B4GALNT3: variants seen among roughly 807,000 people sequenced by gnomAD.
B4GALNT3 encodes beta-1,4-N-acetylgalactosaminyltransferase 3.
A neutral mutation model predicts 120.2 loss-of-function variants in B4GALNT3; 86 were observed. That is an observed-to-expected ratio of 0.72 (90% CI 0.60 to 0.86). B4GALNT3 has a LOEUF of 0.86. B4GALNT3 is among the 40% of genes least tolerant of loss of function. The pLI, the probability that B4GALNT3 is intolerant of heterozygous loss-of-function variation, is 0.00. For missense variants in B4GALNT3, 1,167 were observed against 1,298.9 expected (o/e 0.90, Z 1.56); for synonymous variants, 518 against 510.4 (o/e 1.01, Z -0.20).
At chr12:467,419 T>C (rs1946092557) in intron 1 of B4GALNT3, among the ~76,000 whole-genome samples, 1 of 151,894 alleles carries the variant, frequency 6.6e-6, no homozygotes, top group African/African-American at 2.4e-5. Context: ...AGTAGCTGGG[T>C]GTGGTGGTGT....
Position 502,998 on chromosome 12 carries a change from A to G in B4GALNT3, c.170-32168A>G, listed in dbSNP as rs35453453. On this transcript the variant is annotated intron_variant, in intron 1 of 19. Coordinates refer to ENST00000266383, the MANE Select transcript of B4GALNT3 (RefSeq NM_173593.4). Reference sequence around the variant, plus strand: ...GGTCTCGAACTCCAAGGCTTAAGCTATTCTCCTGTCTTGGCTTCCCGAAGT... The same window carrying G: ...GGTCTCGAACTCCAAGGCTTAAGCTGTTCTCCTGTCTTGGCTTCCCGAAGT... Among the ~76,000 whole-genome samples the G allele has an allele frequency of 2.6e-5, 4 of 152,132 alleles. No homozygotes were observed. The South Asian group carries it at 8.3e-4, about 32-fold the overall frequency.
At chr12:532,270 A>C (rs903198470) in intron 1 of B4GALNT3, among the ~76,000 whole-genome samples, 17 of 152,238 alleles carry the variant, frequency 1.1e-4, no homozygotes, top group Non-Finnish European at 2.2e-4. Context: ...CCCAGGGGCA[A>C]GACCTGACTG....
intron 1 of B4GALNT3, among the ~76,000 whole-genome samples, chr12:524,216 C>T (rs1946739981): frequency 6.6e-6 from 1 of 152,182 alleles, no homozygotes; most frequent in Non-Finnish European, 1.5e-5. Context: ...TCCCCATATT[C>T]CTTTCTTGAA....
In B4GALNT3 at chr12:548,393, G is replaced by C; in HGVS notation, c.853+96G>C. ...GGGGAGGAGGGGAGGAGGGGAGGAA[G>C]GAAGCTCGAGATGCTTGGGACACGG... On this transcript the variant is annotated intron_variant, in intron 9 of 19. Coordinates refer to ENST00000266383, the MANE Select transcript of B4GALNT3 (RefSeq NM_173593.4). The surrounding 1 kb of genome is among the most constrained non-coding windows in gnomAD (Gnocchi z 4.9). 8.4e-7 allele frequency: 1 copy of C among 1,185,506 alleles called. No homozygotes were observed. Among genetic ancestry groups the C allele is most frequent in the Non-Finnish European group, 1.2e-6 (1 of 805,134 alleles). The allele number at this position is 1,185,506 out of a possible 1,614,324, so 73.4% of individuals were successfully genotyped here. A position where few individuals can be genotyped will look rare whatever the true frequency, so the allele number is the denominator to read the frequency against.
chr12:506,776 A>G (rs1475221405), intron 1 of B4GALNT3, among the ~76,000 whole-genome samples: 3 of 152,238 alleles, frequency 2.0e-5, no homozygotes, highest in East Asian at 1.9e-4. Context: ...AGCTGGGACT[A>G]CAGACACATA....
chr12:501,645 A>G (rs923756263), intron 1 of B4GALNT3, among the ~76,000 whole-genome samples: 4 of 152,214 alleles, frequency 2.6e-5, no homozygotes, highest in African/African-American at 7.2e-5. Flanking sequence ...GCACAGTGAC[A>G]TGACCCACTG....
At chr12:547,180 G>A (rs1947019319) in intron 7 of B4GALNT3, among the ~76,000 whole-genome samples, 1 of 152,182 alleles carries the variant, frequency 6.6e-6, no homozygotes, top group Non-Finnish European at 1.5e-5. Context: ...GTTGCTGGAC[G>A]TTGCTGGAAA....
intron 11 of B4GALNT3, 58 bp from the exon 12 acceptor site, chr12:552,005 C>A: frequency 7.4e-7 from 1 of 1,358,366 alleles, no homozygotes. Context: ...CCCTGGCTGG[C>A]TGATTTCTTA....
intron 1 of B4GALNT3, among the ~76,000 whole-genome samples, chr12:469,658 G>A (rs1338483204): frequency 4.6e-5 from 7 of 152,024 alleles, no homozygotes; most frequent in East Asian, 1.9e-4. Context: ...AGGATTTTGC[G>A]GAGAACGAGA....
intron 3 of B4GALNT3, 58 bp downstream of exon 3, chr12:536,353 A>G (rs1946860087): frequency 6.9e-7 from 1 of 1,440,746 alleles, no homozygotes; most frequent in Admixed American, 1.7e-5. Context: ...ATGTTTACAG[A>G]TAATTCCAGA....
chr12:527,128 A>G (rs945237958), intron 1 of B4GALNT3, among the ~76,000 whole-genome samples: 7 of 152,110 alleles, frequency 4.6e-5, no homozygotes, highest in Admixed American at 3.9e-4. Context: ...AGGTTTCACC[A>G]TGTTGTCCAG....
chr12:535,024 C>G (rs1946844095), intron 1 of B4GALNT3, 142 bp from the exon 2 acceptor site: 1 of 627,178 alleles, frequency 1.6e-6, no homozygotes, highest in African/African-American at 1.8e-5. Flanking sequence ...TCTCCTGCCC[C>G]CAGCCCAGCC....
chr12:560,207 G>C (rs1030305063), intron 19 of B4GALNT3, among the ~76,000 whole-genome samples: 6 of 152,174 alleles, frequency 3.9e-5, no homozygotes, highest in African/African-American at 1.4e-4. Flanking sequence ...CTTCAGAAGG[G>C]CATAAGCGCT....
intron 3 of B4GALNT3, among the ~76,000 whole-genome samples, chr12:542,769 G>A (rs1037942739): frequency 3.9e-5 from 6 of 152,190 alleles, no homozygotes; most frequent in African/African-American, 9.7e-5. Context: ...GCACTGCCCC[G>A]AGGCTGTCCC....
At chr12:527,534 T>C (rs1946768316) in intron 1 of B4GALNT3, among the ~76,000 whole-genome samples, 1 of 152,218 alleles carries the variant, frequency 6.6e-6, no homozygotes, top group African/African-American at 2.4e-5. Flanking sequence ...ATCAGCAGGC[T>C]CAGGGTAGCG....
At chr12:470,613 C>T (rs1311015106) in intron 1 of B4GALNT3, among the ~76,000 whole-genome samples, 1 of 152,204 alleles carries the variant, frequency 6.6e-6, no homozygotes, top group East Asian at 1.9e-4. Flanking sequence ...GGCAGCACGT[C>T]CCAGGTGAAT....
chr12:514,347 G>A (rs1026130624), intron 1 of B4GALNT3, among the ~76,000 whole-genome samples: 52 of 152,092 alleles, frequency 3.4e-4, no homozygotes, highest in African/African-American at 5.3e-4. Context: ...ACAGGTGCCC[G>A]CCACCACGCC....
chr12:520,285 C>T (rs548120366), intron 1 of B4GALNT3, among the ~76,000 whole-genome samples: 53 of 152,244 alleles, frequency 3.5e-4, no homozygotes, highest in African/African-American at 7.0e-4. Flanking sequence ...TCCTTTGACC[C>T]GTGATTTTAG....
Position 460,354 on chromosome 12 carries a change from G to C in B4GALNT3, c.-23G>C. Reference sequence around the variant, plus strand: ...TCGGGGGGTTGGAGCCCGCGCTGGCGGCGGCCGCCTCGGCGCAGCGCCATG... The same window carrying C: ...TCGGGGGGTTGGAGCCCGCGCTGGCCGCGGCCGCCTCGGCGCAGCGCCATG... On this transcript the variant is annotated 5_prime_UTR_variant, in exon 1 of 20. Transcript: ENST00000266383. This position sits in a 1 kb window ranked among gnomAD's most constrained non-coding sequence, Gnocchi z 8.0. 8.9e-7 allele frequency: 1 copy of C among 1,125,798 alleles called. No homozygotes were observed. Among genetic ancestry groups the C allele is most frequent in the African/African-American group, 1.7e-5 (1 of 60,404 alleles). 69.7% of individuals were successfully genotyped at this position (1,125,798 alleles called of 1,614,324 possible). A position where few individuals can be genotyped will look rare whatever the true frequency, so the allele number is the denominator to read the frequency against.
Sources: allele counts gnomAD v4.1 joint callset (sites outside exome capture counted in the v4.1 genomes callset), GRCh38; gene constraint gnomAD v4.1.1; non-coding constraint Gnocchi (gnomAD v3.1); transcripts MANE v1.5; gene names NCBI Gene and HGNC (gene_info 2026-07-23, HGNC 2026-07-21).